PTPRD: variants seen among roughly 807,000 people sequenced by gnomAD.
The protein encoded by PTPRD is protein tyrosine phosphatase receptor type D.
Under a neutral mutation model 214.5 loss-of-function variants are expected in PTPRD, and 34 were observed. That is an observed-to-expected ratio of 0.16 (90% confidence interval 0.12 to 0.21). The LOEUF is 0.21. Ranked by LOEUF, PTPRD falls within the 10% of genes least tolerant of loss-of-function variation. The pLI is 1.00. For missense variants in PTPRD, 2,545 were observed against 2,398.7 expected (o/e 1.06, Z -1.27); for synonymous variants, 1,128 against 845.7 (o/e 1.33, Z -5.79).
chr9:9,334,015 A>T (rs976788586), intron 9 of PTPRD, among the ~76,000 whole-genome samples: 2 of 152,012 alleles, frequency 1.3e-5, no homozygotes, highest in East Asian at 1.9e-4. Flanking sequence ...TAGTCTGTAC[A>T]TTTAATAATG....
At chr9:9,169,924 C>A (rs1240493944) in intron 10 of PTPRD, among the ~76,000 whole-genome samples, 1 of 152,094 alleles carries the variant, frequency 6.6e-6, no homozygotes, top group African/African-American at 2.4e-5. Context: ...CCTGTCCTGT[C>A]CTGGAACTGC....
intron 7 of PTPRD, among the ~76,000 whole-genome samples, chr9:9,678,695 A>G (rs2096990709): frequency 6.6e-6 from 1 of 151,888 alleles, no homozygotes; most frequent in Non-Finnish European, 1.5e-5. Context: ...AATTAGAAGA[A>G]AAAAACAAAA....
chr9:8,802,417 G>C (rs899043738), intron 11 of PTPRD, among the ~76,000 whole-genome samples: 1 of 151,990 alleles, frequency 6.6e-6, no homozygotes, highest in Non-Finnish European at 1.5e-5. Flanking sequence ...TCAAATAGAA[G>C]AACATTCACA....
At chr9:8,331,804 C>A (rs2131667587) in intron 43 of PTPRD, 68 bp from the exon 44 acceptor site, 1 of 1,474,280 alleles carries the variant, frequency 6.8e-7, no homozygotes, top group Non-Finnish European at 9.0e-7. Context: ...AGCATACGGA[C>A]CACAAGAACA....
intron 31 of PTPRD, among the ~76,000 whole-genome samples, chr9:8,467,623 T>A (rs1377480360): frequency 6.6e-6 from 1 of 151,932 alleles, no homozygotes; most frequent in Non-Finnish European, 1.5e-5. Flanking sequence ...GTAATTTACT[T>A]AATGATTACA....
At chr9:10,553,966 A>G (rs1227990422) in intron 2 of PTPRD, among the ~76,000 whole-genome samples, 1 of 152,164 alleles carries the variant, frequency 6.6e-6, no homozygotes, top group Non-Finnish European at 1.5e-5. Flanking sequence ...TTTTTCTACC[A>G]ATATTGTTCT....
chr9:8,876,327 G>C (rs890134371), intron 11 of PTPRD, among the ~76,000 whole-genome samples: 1 of 152,028 alleles, frequency 6.6e-6, no homozygotes, highest in African/African-American at 2.4e-5. Flanking sequence ...ATTAGGAATA[G>C]TCATCAAACC....
intron 4 of PTPRD, among the ~76,000 whole-genome samples, chr9:9,976,987 T>G (rs2095380168): frequency 6.6e-6 from 1 of 152,188 alleles, no homozygotes; most frequent in African/African-American, 2.4e-5. Context: ...ATACTGAAGA[T>G]ACAAAGTTTT....
At chr9:9,136,701 A>C (rs2099851470) in intron 10 of PTPRD, among the ~76,000 whole-genome samples, 1 of 152,200 alleles carries the variant, frequency 6.6e-6, no homozygotes, top group Non-Finnish European at 1.5e-5. Context: ...GCAGCAGTTT[A>C]TCTGTATGTA....
intron 5 of PTPRD, among the ~76,000 whole-genome samples, chr9:9,849,941 C>T (rs1312045717): frequency 3.3e-5 from 5 of 152,032 alleles, no homozygotes; most frequent in African/African-American, 9.7e-5. Flanking sequence ...TAACTCAGCT[C>T]CTAGTTCAGA....
At chr9:8,701,344 T>G (rs2098078912) in intron 12 of PTPRD, 1 of 151,982 alleles carries the variant, frequency 6.6e-6, no homozygotes, top group African/African-American at 2.4e-5. Flanking sequence ...TAATGCATAA[T>G]AATTTCCCAG....
chr9:8,381,227 G>A (rs1291882271), intron 37 of PTPRD, among the ~76,000 whole-genome samples: 1 of 152,116 alleles, frequency 6.6e-6, no homozygotes, highest in Non-Finnish European at 1.5e-5. Flanking sequence ...GTTATTTTTG[G>A]GAGTAAGGAA....
intron 8 of PTPRD, among the ~76,000 whole-genome samples, chr9:9,474,113 G>T (rs765513866): frequency 6.6e-6 from 1 of 151,914 alleles, no homozygotes; most frequent in Non-Finnish European, 1.5e-5. Flanking sequence ...AAGTCTTTAT[G>T]CATTTTCAGT....
chr9:9,242,987 CT>C (rs1453557244), intron 9 of PTPRD, among the ~76,000 whole-genome samples: 2 of 151,988 alleles, frequency 1.3e-5, no homozygotes, highest in Non-Finnish European at 2.9e-5. Context: ...TGCTTTTGGT[CT>C]TTGATGATGG....
intron 44 of PTPRD, among the ~76,000 whole-genome samples, chr9:8,321,487 G>GTATATATATATATATATATATATA (rs750825729): frequency 1.1e-4 from 5 of 44,548 alleles, no homozygotes; most frequent in Non-Finnish European, 1.9e-4. Context: ...GTGTGTGTGT[G>GTATATATATATATATATATATATA]TATATATATA....
chr9:8,831,767 TTG>T (rs1018857389), intron 11 of PTPRD, among the ~76,000 whole-genome samples: 5 of 152,340 alleles, frequency 3.3e-5, no homozygotes, highest in Admixed American at 3.3e-4. Context: ...TGTATCACTT[TTG>T]TGAGTCAACT....
At chr9:9,426,374 T>G (rs1043698559) in intron 8 of PTPRD, among the ~76,000 whole-genome samples, 20 of 152,188 alleles carry the variant, frequency 1.3e-4, no homozygotes, top group Non-Finnish European at 2.5e-4. Context: ...GCGCCCACCA[T>G]TGCTGAGGCT....
intron 2 of PTPRD, among the ~76,000 whole-genome samples, chr9:10,374,939 C>G (rs980610346): frequency 4.6e-5 from 7 of 151,956 alleles, no homozygotes; most frequent in African/African-American, 1.7e-4. Flanking sequence ...CATTGGGTTA[C>G]AGCAGCATGG....
At chr9:9,272,742 CCTT>C (rs1450350758) in intron 9 of PTPRD, among the ~76,000 whole-genome samples, 1 of 151,238 alleles carries the variant, frequency 6.6e-6, no homozygotes, top group Non-Finnish European at 1.5e-5. Flanking sequence ...ACACGTTATT[CCTT>C]CTTTCCCTAC....
Sources: gnomAD v4.1 joint callset for allele counts (sites outside exome capture counted in the v4.1 genomes callset) on GRCh38, gnomAD v4.1.1 for gene constraint, MANE v1.5 for transcripts, NCBI Gene and HGNC (gene_info 2026-07-23, HGNC 2026-07-21) for gene names.